Variants in CCDC178 observed in about 807,000 individuals in gnomAD.
CCDC178 encodes coiled-coil domain containing 178, also known as coiled-coil domain-containing protein 178.
CCDC178 carries 126 observed loss-of-function variants against 117.4 expected under a neutral mutation model. The ratio of observed to expected loss-of-function variants is 1.07; its 90% CI spans 0.93 to 1.24. The LOEUF (loss-of-function observed/expected upper bound fraction) is 1.24, where lower values mean the gene tolerates loss of function less well. CCDC178 is among the 50% of genes most tolerant of loss of function. The pLI is 0.00. For synonymous variants in CCDC178, 283 were observed against 313.4 expected (o/e 0.90, Z 1.02); for missense variants, 1,030 against 986.9 (o/e 1.04, Z -0.59).
At chr18:33,072,943 T>G (rs2057135248) in intron 21 of CCDC178, among the ~76,000 whole-genome samples, 2 of 152,068 alleles carry the variant, frequency 1.3e-5, no homozygotes, top group African/African-American at 4.8e-5. Context: ...GCAAATGAAT[T>G]ATAGTATAAA....
At chr18:33,233,097 C>A (rs1171123707) in intron 15 of CCDC178, among the ~76,000 whole-genome samples, 3 of 152,050 alleles carry the variant, frequency 2.0e-5, no homozygotes, top group African/African-American at 4.8e-5. Context: ...TATTGTTGAC[C>A]TCATGAACCA....
chr18:33,197,363 G>C (rs893124437), intron 20 of CCDC178, among the ~76,000 whole-genome samples: 4 of 152,092 alleles, frequency 2.6e-5, no homozygotes, highest in African/African-American at 9.7e-5. Context: ...AATGACAAAC[G>C]CAAGGGCATC....
intron 20 of CCDC178, among the ~76,000 whole-genome samples, chr18:33,180,220 T>C (rs2144475250): frequency 6.6e-6 from 1 of 151,928 alleles, no homozygotes; most frequent in South Asian, 2.1e-4. Context: ...ATATCAAAAC[T>C]TGATTCCATA....
At chr18:33,176,822 G>A (rs1306495976) in intron 20 of CCDC178, among the ~76,000 whole-genome samples, 2 of 152,020 alleles carry the variant, frequency 1.3e-5, no homozygotes, top group Non-Finnish European at 2.9e-5. Flanking sequence ...AATTTGAGCT[G>A]TTGACATAGG....
intron 5 of CCDC178, among the ~76,000 whole-genome samples, chr18:33,377,153 T>A (rs1947234413): frequency 6.6e-6 from 1 of 152,226 alleles, no homozygotes; most frequent in Admixed American, 6.5e-5. Context: ...CTGACTGGTA[T>A]GAGATGCTAT....
intron 21 of CCDC178, among the ~76,000 whole-genome samples, chr18:32,997,020 C>A (rs2055525776): frequency 1.3e-5 from 2 of 152,234 alleles, no homozygotes; most frequent in South Asian, 4.2e-4. Context: ...ACACAGCTCA[C>A]CCTCCCCCTC....
intron 21 of CCDC178, among the ~76,000 whole-genome samples, chr18:32,981,092 C>T (rs928950576): frequency 6.6e-6 from 1 of 152,062 alleles, no homozygotes; most frequent in Non-Finnish European, 1.5e-5. Context: ...TCTGTAATCC[C>T]AGCACTTTGG....
chr18:33,249,343 ATG>A (rs1412165578), intron 14 of CCDC178, among the ~76,000 whole-genome samples: 1 of 152,124 alleles, frequency 6.6e-6, no homozygotes, highest in Non-Finnish European at 1.5e-5. Flanking sequence ...GTCCTTGACC[ATG>A]CCTATGTCCT....
intron 21 of CCDC178, among the ~76,000 whole-genome samples, chr18:33,071,657 T>C (rs1006820351): frequency 6.6e-6 from 1 of 152,114 alleles, no homozygotes; most frequent in Non-Finnish European, 1.5e-5. Context: ...ATATTCTCAT[T>C]GGGAAACTTG....
At chr18:33,440,731 A>T (rs1348427590), upstream of CCDC178, 1 of 153,342 alleles carries the variant, frequency 6.5e-6, no homozygotes, top group Admixed American at 6.5e-5. Context: ...CGAGGCCCCA[A>T]GTCGGTTATC....
chr18:33,357,682 T>C (rs2063074702), intron 6 of CCDC178, among the ~76,000 whole-genome samples: 1 of 152,104 alleles, frequency 6.6e-6, no homozygotes, highest in Admixed American at 6.6e-5. Flanking sequence ...AAGTCATAAA[T>C]TATCAAAAAT....
intron 20 of CCDC178, among the ~76,000 whole-genome samples, chr18:33,101,086 T>G (rs1447181210): frequency 1.3e-5 from 2 of 151,940 alleles, no homozygotes; most frequent in East Asian, 1.9e-4. Context: ...TTCTCTAAAT[T>G]TATTAATTGT....
Position 33,404,942 on chromosome 18 carries a change from T to C in CCDC178, c.58+7089A>G, listed in dbSNP as rs185121531. Among the ~76,000 whole-genome samples the C allele has an allele frequency of 2.8e-4, 42 of 152,168 alleles. 2 individuals carry two copies. The highest frequency in any genetic ancestry group is 2.6e-3 in the Admixed American group (40 of 15,278). On this transcript the variant is annotated intron_variant, in intron 3 of 22. Transcript: ENST00000383096. ...ATAGAGCAAGAAAACAGATTTGTGG[T>C]TCCAGAGGCTGGGTAGAGGAGGAAT...
chr18:33,087,475 A>T (rs2057396196), intron 21 of CCDC178, among the ~76,000 whole-genome samples: 2 of 152,066 alleles, frequency 1.3e-5, no homozygotes, highest in African/African-American at 2.4e-5. Context: ...ATGCAAACTT[A>T]TCAGTCTATA....
intron 9 of CCDC178, among the ~76,000 whole-genome samples, chr18:33,339,793 A>C (rs2062791501): frequency 6.6e-6 from 1 of 152,046 alleles, no homozygotes; most frequent in African/African-American, 2.4e-5. Context: ...CTGCCATGTA[A>C]GAAGTGCCTT....
At chr18:33,381,719 A>G (rs886619696) in intron 5 of CCDC178, among the ~76,000 whole-genome samples, 4 of 152,194 alleles carry the variant, frequency 2.6e-5, no homozygotes, top group Non-Finnish European at 5.9e-5. Flanking sequence ...CTTAGTCAAA[A>G]TATTGAAGAT....
At chr18:32,963,638 G>T (rs538123438) in intron 22 of CCDC178, among the ~76,000 whole-genome samples, 1 of 151,928 alleles carries the variant, frequency 6.6e-6, no homozygotes, top group African/African-American at 2.4e-5. Flanking sequence ...ACTACCTTTT[G>T]TCGATGTACC....
chr18:32,955,955 TCC>T (rs2054584790), intron 22 of CCDC178, among the ~76,000 whole-genome samples: 1 of 152,194 alleles, frequency 6.6e-6, no homozygotes, highest in Non-Finnish European at 1.5e-5. Flanking sequence ...CTTTTTAAAA[TCC>T]ATGTGCTAGC....
intron 12 of CCDC178, among the ~76,000 whole-genome samples, chr18:33,284,922 C>A (rs1192606760): frequency 6.6e-6 from 1 of 151,672 alleles, no homozygotes; most frequent in Non-Finnish European, 1.5e-5. Flanking sequence ...AGAATGCACA[C>A]ACACACACAC....
Sources: allele counts gnomAD v4.1 joint callset (sites outside exome capture counted in the v4.1 genomes callset), GRCh38; gene constraint gnomAD v4.1.1; transcripts MANE v1.5; gene names NCBI Gene and HGNC (gene_info 2026-07-23, HGNC 2026-07-21).